ZNF254: variants seen among roughly 807,000 people sequenced by gnomAD.
ZNF254 encodes CTD-2017D11.1.
Under a neutral mutation model 12.4 loss-of-function variants are expected in ZNF254, and 10 were observed. That is an observed-to-expected ratio of 0.80 (90% CI 0.50 to 1.36). The LOEUF is 1.36. Among genes scored for constraint, ZNF254 ranks in the 40% most tolerant of loss-of-function variants. ZNF254 has a pLI of 0.00. For synonymous variants in ZNF254, 305 were observed against 253.4 expected (o/e 1.20, Z -1.93); for missense variants, 996 against 763.9 (o/e 1.30, Z -3.58).
At chr19:24,072,564 G>A (rs1371617391) in intron 2 of ZNF254, among the ~76,000 whole-genome samples, 1 of 152,284 alleles carries the variant, frequency 6.6e-6, no homozygotes, top group Admixed American at 6.5e-5. Context: ...CCTGGGCCCT[G>A]CCCACAAGAG....
chr19:24,034,997 G>A (rs1367207907), intron 1 of ZNF254, among the ~76,000 whole-genome samples: 3 of 152,016 alleles, frequency 2.0e-5, no homozygotes, highest in Non-Finnish European at 4.4e-5. Flanking sequence ...GAAAGCACCA[G>A]CTATAAGATA....
intron 1 of ZNF254, among the ~76,000 whole-genome samples, chr19:24,102,023 A>G (rs1424422727): frequency 4.6e-5 from 7 of 152,214 alleles, no homozygotes; most frequent in African/African-American, 7.2e-5. Context: ...TCATATAGTC[A>G]TTAGAAAAAT....
At chr19:24,099,164 T>G (rs1484911168) in intron 1 of ZNF254, among the ~76,000 whole-genome samples, 1 of 148,842 alleles carries the variant, frequency 6.7e-6, no homozygotes, top group Non-Finnish European at 1.5e-5. Context: ...CCCAGCTATT[T>G]TTTTTTTTTT....
At chr19:24,089,257 T>C (rs1220133372) in intron 1 of ZNF254, among the ~76,000 whole-genome samples, 2 of 152,220 alleles carry the variant, frequency 1.3e-5, no homozygotes, top group African/African-American at 4.8e-5. Context: ...ATTACAGGCG[T>C]GAGCCACTGC....
intron 2 of ZNF254, chr19:24,065,715 G>C (rs1252492467): frequency 2.6e-5 from 4 of 152,012 alleles, no homozygotes; most frequent in African/African-American, 9.7e-5. Flanking sequence ...TTTGTGGGAG[G>C]GATCCTGCAA....
intron 1 of ZNF254, chr19:24,103,846 T>G (rs1256794973): frequency 6.6e-6 from 1 of 152,426 alleles, no homozygotes; most frequent in Non-Finnish European, 1.5e-5. Flanking sequence ...TGCCTCAGCC[T>G]CCTGAGTAGC....
intron 3 of ZNF254, among the ~76,000 whole-genome samples, chr19:24,116,617 T>C (rs577312113): frequency 5.3e-5 from 6 of 113,634 alleles, no homozygotes; most frequent in African/African-American, 2.6e-4. Context: ...TTCAAAGTTT[T>C]TAACTTCTTT....
At chr19:24,074,659 C>G (rs927402889) in intron 2 of ZNF254, among the ~76,000 whole-genome samples, 2 of 152,166 alleles carry the variant, frequency 1.3e-5, no homozygotes, top group African/African-American at 4.8e-5. Context: ...GATGATGTGA[C>G]TCTACTCTTC....
intron 2 of ZNF254, among the ~76,000 whole-genome samples, chr19:24,046,518 G>A (rs1970396858): frequency 6.6e-6 from 1 of 151,056 alleles, no homozygotes. Context: ...GTACTTCCTG[G>A]GCTATCAAAA....
chr19:24,056,722 C>T (rs982489990), intron 2 of ZNF254, among the ~76,000 whole-genome samples: 1 of 152,192 alleles, frequency 6.6e-6, no homozygotes, highest in African/African-American at 2.4e-5. Context: ...TGTGTTTCTC[C>T]TGCCTGAGCT....
intron 2 of ZNF254, among the ~76,000 whole-genome samples, chr19:24,068,300 C>G (rs899166775): frequency 6.6e-6 from 1 of 151,164 alleles, no homozygotes; most frequent in African/African-American, 2.4e-5. Flanking sequence ...CTGTGCCTAT[C>G]TAGCCTTTTT....
rs187701053 is a variant in ZNF254 at position 24,061,109 on chromosome 19, C to T, written c.-94+14830C>T. The stretch of plus-strand genomic sequence containing the variant: ...GACACCTAGGTGAAGGTACTGTCTT[C>T]TCCTGCCTGGGCCCTGCATAAATTG... On this transcript the variant is annotated intron_variant, in intron 2 of 4. Coordinates refer to the ZNF254 transcript ENST00000613065. Among the ~76,000 whole-genome samples, 418 of 152,262 alleles carry T rather than the reference C, an allele frequency of 2.7e-3. 1 individual carries two copies. The highest frequency in any genetic ancestry group is 0.02 in the Middle Eastern group (6 of 294).
chr19:24,091,956 T>G (rs1417485976), intron 1 of ZNF254: 1 of 383,400 alleles, frequency 2.6e-6, no homozygotes, highest in Non-Finnish European at 3.6e-6. Context: ...CTCAGCTCAC[T>G]GCAAGCTCTG....
chr19:24,100,299 C>A (rs1018352137), intron 1 of ZNF254, among the ~76,000 whole-genome samples: 3 of 151,382 alleles, frequency 2.0e-5, no homozygotes, highest in African/African-American at 7.3e-5. Context: ...CGCTAAAATG[C>A]TCACAATTGC....
intron 2 of ZNF254, chr19:24,063,741 A>G (rs1227126933): frequency 2.0e-5 from 3 of 149,790 alleles, no homozygotes; most frequent in Admixed American, 2.0e-4. Context: ...CACAAAAGAG[A>G]TTATGACATG....
At chr19:24,096,910 C>G (rs1034971420) in intron 1 of ZNF254, among the ~76,000 whole-genome samples, 8 of 152,236 alleles carry the variant, frequency 5.3e-5, no homozygotes, top group African/African-American at 1.9e-4. Context: ...ACACAGTGTG[C>G]AAAATTCAGA....
chr19:24,043,266 A>AT (rs1253704398), intron 1 of ZNF254, among the ~76,000 whole-genome samples: 3 of 147,444 alleles, frequency 2.0e-5, no homozygotes, highest in Non-Finnish European at 4.5e-5. Flanking sequence ...GCCAAAAAAA[A>AT]ATTTTTTTTT....
At chr19:24,095,729 TTTG>T (rs1972632669) in intron 1 of ZNF254, among the ~76,000 whole-genome samples, 1 of 152,112 alleles carries the variant, frequency 6.6e-6, no homozygotes, top group Non-Finnish European at 1.5e-5. Context: ...TAATGTCTCT[TTTG>T]TTATTTCTAA....
chr19:24,063,465 C>T (rs557649172), intron 2 of ZNF254, among the ~76,000 whole-genome samples: 1 of 152,266 alleles, frequency 6.6e-6, no homozygotes, highest in East Asian at 1.9e-4. Context: ...CTTGGTGCTG[C>T]CCACAGATGT....
Sources: allele counts gnomAD v4.1 joint callset (sites outside exome capture counted in the v4.1 genomes callset), GRCh38; gene constraint gnomAD v4.1.1; transcripts MANE v1.5; gene names NCBI Gene and HGNC (gene_info 2026-07-23, HGNC 2026-07-21).